The following KCNC4 variants were observed in gnomAD, a reference collection of about 807,000 sequenced individuals.
KCNC4 encodes potassium voltage-gated channel subfamily C member 4.
KCNC4 carries 23 observed loss-of-function variants against 42.8 expected under a neutral mutation model. That is an observed-to-expected ratio of 0.54 (90% confidence interval 0.39 to 0.76). The LOEUF is 0.76. KCNC4 is among the 30% of genes least tolerant of loss of function. The pLI is 0.00. For missense variants in KCNC4, 751 were observed against 898.2 expected, an observed-to-expected ratio of 0.84 and a Z score of 2.10; for synonymous variants, 422 against 393.5, an observed-to-expected ratio of 1.07 and a Z score of -0.86.
intron 1 of KCNC4, among the ~76,000 whole-genome samples, chr1:110,218,581 G>A (rs1185687447): frequency 3.5e-5 from 3 of 85,432 alleles, no homozygotes; most frequent in Non-Finnish European, 7.3e-5. Context: ...CCACTAGAAT[G>A]TAAGGTCCCG....
rs928012013 is a variant in KCNC4, at chr1:110,222,899, G to A, written c.679-65G>A. On this transcript the variant is annotated intron_variant, in intron 1 of 3. Transcript: ENST00000438661. ...TGGTAACCTTCATGCAGAAGTCCACGTCCCCAGCTGGGCCCATCCATCCCT... is the reference window on the plus strand; with the variant it reads ...TGGTAACCTTCATGCAGAAGTCCACATCCCCAGCTGGGCCCATCCATCCCT... The A allele has an allele frequency of 1.5e-4, 188 of 1,239,830 alleles. 4 individuals carry two copies. The South Asian group carries it at 2.4e-3, about 16-fold the overall frequency. The allele number at this position is 1,239,830 out of a possible 1,614,324, so 76.8% of individuals were successfully genotyped here.
intron 1 of KCNC4, among the ~76,000 whole-genome samples, chr1:110,255,023 C>T (rs993144400): frequency 1.5e-4 from 23 of 152,222 alleles, no homozygotes; most frequent in African/African-American, 5.3e-4. Flanking sequence ...GCATAGGAGA[C>T]ATCCAAGTAT....
At chr1:110,231,491 C>T (rs538750983) in intron 3 of KCNC4, among the ~76,000 whole-genome samples, 1 of 152,286 alleles carries the variant, frequency 6.6e-6, no homozygotes, top group Non-Finnish European at 1.5e-5. Flanking sequence ...GCTTCTGGGA[C>T]ACTTGACAGC....
downstream of KCNC4, among the ~76,000 whole-genome samples, chr1:110,251,170 G>A (rs1185629318): frequency 3.3e-5 from 5 of 152,124 alleles, no homozygotes; most frequent in South Asian, 2.1e-4. Flanking sequence ...ATGCTAGTCC[G>A]GCTTGGCTTA....
intron 1 of KCNC4, among the ~76,000 whole-genome samples, chr1:110,261,065 G>A (rs1659416713): frequency 1.3e-5 from 2 of 152,218 alleles, no homozygotes; most frequent in Admixed American, 6.5e-5. Context: ...TTCCCAATTA[G>A]TAAGATATTT....
chr1:110,232,074 C>A, intron 3 of KCNC4: 2 of 699,226 alleles, frequency 2.9e-6, no homozygotes, highest in Non-Finnish European at 2.4e-6. Flanking sequence ...CTCCTACCTG[C>A]CCTACCTGTG....
intron 1 of KCNC4, among the ~76,000 whole-genome samples, chr1:110,280,805 T>C (rs908937217): frequency 6.6e-6 from 1 of 152,240 alleles, no homozygotes; most frequent in Non-Finnish European, 1.5e-5. Flanking sequence ...AGCAATTCTA[T>C]CTACCATCCT....
At chr1:110,275,251 GA>G (rs1257044251) in intron 1 of KCNC4, among the ~76,000 whole-genome samples, 3 of 151,756 alleles carry the variant, frequency 2.0e-5, no homozygotes, top group Admixed American at 6.6e-5. Flanking sequence ...AGAAGCATAG[GA>G]AAAAAATGGT....
exon 4 of KCNC4, chr1:110,243,399 C>T (rs544248874): frequency 6.6e-6 from 1 of 152,420 alleles, no homozygotes; most frequent in Admixed American, 6.5e-5. Context: ...ACCCACACAG[C>T]TGCTGGCTCT....
rs116360462 is a variant in KCNC4, at chr1:110,212,624, T to C, written c.678+447T>C. Among the ~76,000 whole-genome samples the C allele has an allele frequency of 9.9e-4, 151 of 152,264 alleles. 1 individual carries two copies. The highest frequency in any genetic ancestry group is 3.5e-3 in the African/African-American group (146 of 41,550). On this transcript the variant is annotated intron_variant, in intron 1 of 3. Coordinates refer to ENST00000438661, the MANE Select transcript of KCNC4 (RefSeq NM_001039574.3). ...AACTAGGGTGGGTTTTGTTAGATGC[T>C]TCCATGCCGTGCCACCTCATTTACA...
chr1:110,282,751 T>C (rs1236115666), intron 2 of KCNC4: 1 of 152,186 alleles, frequency 6.6e-6, no homozygotes, highest in Non-Finnish European at 1.5e-5. Context: ...GTTCCAGACA[T>C]TGGATTTATA....
At chr1:110,280,741 T>G (rs1402148800) in intron 1 of KCNC4, among the ~76,000 whole-genome samples, 1 of 152,142 alleles carries the variant, frequency 6.6e-6, no homozygotes, top group Non-Finnish European at 1.5e-5. Context: ...TACTAAAAAA[T>G]TATTTGTTGT....
At chr1:110,256,987 C>G (rs1449254987) in intron 1 of KCNC4, 1 of 154,128 alleles carries the variant, frequency 6.5e-6, no homozygotes, top group African/African-American at 2.4e-5. Context: ...GTTATTAACA[C>G]AAAGAAGCCA....
chr1:110,238,597 C>T (rs1253562775), downstream of KCNC4: 1 of 152,198 alleles, frequency 6.6e-6, no homozygotes, highest in East Asian at 1.9e-4. Context: ...CAAACAGACA[C>T]TCCCTTCCCC....
chr1:110,271,351 G>A (rs1282659434), intron 1 of KCNC4, among the ~76,000 whole-genome samples: 1 of 152,174 alleles, frequency 6.6e-6, no homozygotes, highest in Non-Finnish European at 1.5e-5. Flanking sequence ...CTGAAGCTTA[G>A]GGTGGGGAAG....
intron 1 of KCNC4, among the ~76,000 whole-genome samples, chr1:110,273,878 C>A (rs1439584153): frequency 3.9e-5 from 6 of 152,178 alleles, no homozygotes; most frequent in Admixed American, 2.0e-4. Flanking sequence ...ATTTCAGAGT[C>A]TGCACTGGTG....
intron 1 of KCNC4, among the ~76,000 whole-genome samples, chr1:110,262,861 A>G (rs1232552906): frequency 2.0e-5 from 3 of 152,126 alleles, no homozygotes; most frequent in African/African-American, 7.2e-5. Flanking sequence ...GACTGATAAT[A>G]AGCATTTGTC....
intron 1 of KCNC4, among the ~76,000 whole-genome samples, chr1:110,281,555 AACAC>A (rs55839432): frequency 9.2e-4 from 129 of 140,438 alleles, no homozygotes; most frequent in Middle Eastern, 3.8e-3. Context: ...CATATGTAAA[AACAC>A]ACACACACAC....
chr1:110,239,802 A>T (rs992171134), exon 4 of KCNC4: 2 of 152,208 alleles, frequency 1.3e-5, no homozygotes, highest in Non-Finnish European at 2.9e-5. Context: ...GAGAGTTCCC[A>T]TAGCCCTTCC....
Sources: allele counts gnomAD v4.1 joint callset (sites outside exome capture counted in the v4.1 genomes callset), GRCh38; gene constraint gnomAD v4.1.1; transcripts MANE v1.5; gene names NCBI Gene and HGNC (gene_info 2026-07-23, HGNC 2026-07-21).